Variants in LRRC25 observed in about 807,000 individuals in gnomAD.
LRRC25 encodes the protein leucine rich repeat containing 25.
A neutral mutation model predicts 18.8 loss-of-function variants in LRRC25; 5 were observed. The ratio of observed to expected loss-of-function variants is 0.27; its 90% CI spans 0.14 to 0.56. The LOEUF (loss-of-function observed/expected upper bound fraction) is 0.56, where lower values mean the gene tolerates loss of function less well. Ranked by LOEUF, LRRC25 falls within the 20% of genes least tolerant of loss-of-function variation. The pLI, the probability that LRRC25 is intolerant of heterozygous loss-of-function variation, is 0.93. For missense variants in LRRC25, 341 were observed against 389.8 expected (o/e 0.87, Z 1.05); for synonymous variants, 161 against 176.8 (o/e 0.91, Z 0.71).
In LRRC25 at chr19:18,394,638, C is replaced by CA. The variant is rs546298185; in HGVS notation, c.779+1546dup. Among the ~76,000 whole-genome samples, 407 of 152,240 alleles carry CA rather than the reference C, an allele frequency of 2.7e-3. 3 individuals carry two copies. The highest frequency in any genetic ancestry group is 9.6e-3 in the African/African-American group (397 of 41,560). ...GTATTTTTTAGTAGAAACAGGGTTC[C>CA]ACCATGTTGGTCAGGCTGGTCTTGA... On this transcript the variant is annotated intron_variant, in intron 1 of 1. Transcript: ENST00000339007.
intron 1 of LRRC25, among the ~76,000 whole-genome samples, chr19:18,393,546 G>T (rs540615464): frequency 6.6e-6 from 1 of 152,198 alleles, no homozygotes; most frequent in African/African-American, 2.4e-5. Flanking sequence ...ACTTGAACCC[G>T]GGAGGTGAAG....
Position 18,396,301 on chromosome 19 carries a change from G to C in LRRC25, c.663C>G (p.Tyr221Ter). Reference protein sequence around the residue: ...PKPGLGLQPRYGSRSAPKPQV... With the variant: ...PKPGLGLQPR The stretch of plus-strand genomic sequence containing the variant: ...GGGGCTTGGGGGCGCTCCGGCTGCC[G>C]TACCGTGGCTGCAAGCCTAAACCGG... The change falls in exon 1 of 2, where the codon TAC becomes TAG. Residue 221 changes from tyrosine to a stop codon, truncating the protein, a stop_gained. Transcript: ENST00000339007. LOFTEE classifies it high-confidence loss of function. The C allele has an allele frequency of 6.2e-7, 1 of 1,613,758 alleles. No individual in the cohort carries two copies. Among genetic ancestry groups the C allele is most frequent in the Non-Finnish European group, 8.5e-7 (1 of 1,179,938 alleles).
chr19:18,393,773 G>A (rs971448446), intron 1 of LRRC25, among the ~76,000 whole-genome samples: 2 of 152,110 alleles, frequency 1.3e-5, no homozygotes, highest in African/African-American at 4.8e-5. Flanking sequence ...TGTGACCTTG[G>A]ACAAGTCATT....
chr19:18,392,886 A>G (rs1971919740), intron 1 of LRRC25, among the ~76,000 whole-genome samples: 1 of 152,102 alleles, frequency 6.6e-6, no homozygotes, highest in East Asian at 1.9e-4. Context: ...TCTCCTCGGG[A>G]GGCTGAGGTG....
Position 18,393,255 on chromosome 19 carries a change from T to C in LRRC25, c.780-1130A>G, listed in dbSNP as rs116570859. Reference sequence around the variant, plus strand: ...GCAGGTAGCTACTTAGGAATATTTGTTATGGTCAGCAAGACCTCCAGAGAA... The same window carrying C: ...GCAGGTAGCTACTTAGGAATATTTGCTATGGTCAGCAAGACCTCCAGAGAA... On this transcript the variant is annotated intron_variant, in intron 1 of 1. Transcript: ENST00000339007. 3.7e-3 allele frequency among the ~76,000 whole-genome samples: 559 copies of C among 152,348 alleles called. 6 individuals carry two copies. Among genetic ancestry groups the C allele is most frequent in the African/African-American group, 0.013 (534 of 41,576 alleles).
At chr19:18,394,644 G>A (rs1176760190) in intron 1 of LRRC25, among the ~76,000 whole-genome samples, 1 of 152,066 alleles carries the variant, frequency 6.6e-6, no homozygotes, top group East Asian at 1.9e-4. Context: ...GTTCCACCAT[G>A]TTGGTCAGGC....
Position 18,396,658 on chromosome 19 carries a change from C to A in LRRC25, c.306G>T (p.Gly102=). The A allele has an allele frequency of 6.2e-7, 1 of 1,614,058 alleles. No homozygotes were observed. The highest frequency in any genetic ancestry group is 8.5e-7 in the Non-Finnish European group (1 of 1,180,006). The change falls in exon 1 of 2, where the codon GGG becomes GGT. Residue 102 remains glycine, a synonymous_variant. Transcript: ENST00000339007. ...CAAGGTCACAGCGGGCGGCCAGCGC[C>A]CCATCCACACGAGACAAGGGGTTGC... ...VLRNPLSRVD[G]ALAARCDLDL...
Position 18,397,317 on chromosome 19 carries a change from A to G in LRRC25, c.-354T>C. The G allele has an allele frequency of 3.5e-6, 1 of 282,682 alleles. No individual in the cohort carries two copies. The highest frequency in any genetic ancestry group is 2.1e-5 in the African/African-American group (1 of 46,988). The allele number at this position is 282,682 out of a possible 1,614,324, so 17.5% of individuals were successfully genotyped here. A position where few individuals can be genotyped will look rare whatever the true frequency, so the allele number is the denominator to read the frequency against. On this transcript the variant is annotated 5_prime_UTR_variant, in exon 1 of 2. Coordinates refer to ENST00000339007, the MANE Select transcript of LRRC25 (RefSeq NM_145256.3). ...TTGGAAACGGCCCCGCCCCCTGATCACGCTCCCGGTATCTCCCAGAACGGC... is the reference window on the plus strand; with the variant it reads ...TTGGAAACGGCCCCGCCCCCTGATCGCGCTCCCGGTATCTCCCAGAACGGC...
At position 18,396,610 on chromosome 19, in the gene LRRC25, A is replaced by C; in HGVS notation, c.354T>G (p.Cys118Trp). The C allele has an allele frequency of 1.2e-6, 2 of 1,614,000 alleles. No homozygotes were observed. The highest frequency in any genetic ancestry group is 2.2e-5 in the South Asian group (2 of 91,088). Residue 118 changes from cysteine to tryptophan, a missense_variant, in exon 1 of 2, where the codon TGT becomes TGG. Transcript: ENST00000339007. The part of the protein sequence containing the change: ...CDLDLQADCN[C>W]ALESWHDIRR... The stretch of plus-strand genomic sequence containing the variant: ...GGATGTCGTGCCAGGACTCCAGGGC[A>C]CAGTTGCAGTCGGCCTGCAGGTCAA...
chr19:18,391,771 G>A lies in LRRC25; in HGVS notation c.*216C>T. On this transcript the variant is annotated 3_prime_UTR_variant, in exon 2 of 2. Transcript: ENST00000339007. ...ACAGTGACCGTCCTGTCCCCTTGTT[G>A]GGGGTCTCTCCTCTTCCCCCTCTAG... 1 of 519,570 alleles carries A rather than the reference G, an allele frequency of 1.9e-6. No homozygotes were observed. The highest frequency in any genetic ancestry group is 3.5e-6 in the Non-Finnish European group (1 of 287,326). The allele number at this position is 519,570 out of a possible 1,614,324, so 32.2% of individuals were successfully genotyped here.
In LRRC25 at chr19:18,391,797, G is replaced by T. The variant is rs755977506; in HGVS notation, c.*190C>A. On this transcript the variant is annotated 3_prime_UTR_variant, in exon 2 of 2. Coordinates refer to ENST00000339007, the MANE Select transcript of LRRC25 (RefSeq NM_145256.3). ...GGGGTCTCTCCTCTTCCCCCTCTAG[G>T]AGCTGAGGGAGCTGAGGAGCGGCAT... 3.7e-5 allele frequency: 22 copies of T among 596,964 alleles called. No individual in the cohort carries two copies. The highest frequency in any genetic ancestry group is 5.5e-5 in the Non-Finnish European group (19 of 344,924). 37.0% of individuals were successfully genotyped at this position (596,964 alleles called of 1,614,324 possible).
chr19:18,396,072 T>C, intron 1 of LRRC25, 113 bp downstream of exon 1: 1 of 1,303,628 alleles, frequency 7.7e-7, no homozygotes, highest in Non-Finnish European at 1.1e-6. Context: ...GTAAAGCTAC[T>C]CACCTAAGAT....
intron 1 of LRRC25, among the ~76,000 whole-genome samples, chr19:18,392,595 C>CA (rs1313218615): frequency 1.3e-5 from 2 of 152,168 alleles, no homozygotes; most frequent in African/African-American, 2.4e-5. Context: ...TAGCCAACCC[C>CA]ACCTCTCTCT....
chr19:18,391,774 G>C lies in LRRC25; in HGVS notation c.*213C>G. ...GTGACCGTCCTGTCCCCTTGTTGGGGGTCTCTCCTCTTCCCCCTCTAGGAG... is the reference window on the plus strand; with the variant it reads ...GTGACCGTCCTGTCCCCTTGTTGGGCGTCTCTCCTCTTCCCCCTCTAGGAG... On this transcript the variant is annotated 3_prime_UTR_variant, in exon 2 of 2. Transcript: ENST00000339007. 1 of 528,122 alleles carries C rather than the reference G, an allele frequency of 1.9e-6. No individual in the cohort carries two copies. The highest frequency in any genetic ancestry group is 3.4e-6 in the Non-Finnish European group (1 of 293,180). The allele number at this position is 528,122 out of a possible 1,614,324, so 32.7% of individuals were successfully genotyped here.
rs983948718 is a variant in LRRC25, at chr19:18,397,103, C to T, written c.-140G>A. ...TGAAATGGTAAAACGCAGCCCCAGT[C>T]TGGTCGCCTCCTTTGGCTGGTGGGC... On this transcript the variant is annotated 5_prime_UTR_variant, in exon 1 of 2. Coordinates refer to ENST00000339007, the MANE Select transcript of LRRC25 (RefSeq NM_145256.3). 3.3e-6 allele frequency: 3 copies of T among 906,712 alleles called. No individual in the cohort carries two copies. Among genetic ancestry groups the T allele is most frequent in the Non-Finnish European group, 4.9e-6 (3 of 616,044 alleles). The allele number at this position is 906,712 out of a possible 1,614,324, so 56.2% of individuals were successfully genotyped here. A position where few individuals can be genotyped will look rare whatever the true frequency, so the allele number is the denominator to read the frequency against.
At position 18,397,062 on chromosome 19, in the gene LRRC25, C is replaced by G. The variant is rs1199344181; in HGVS notation, c.-99G>C. ...CAGTGTTTATTATTATAGCTCAGAC[C>G]AGCTCAAGCCGCTTCTGAAATGGTA... On this transcript the variant is annotated 5_prime_UTR_variant, in exon 1 of 2. Coordinates refer to ENST00000339007, the MANE Select transcript of LRRC25 (RefSeq NM_145256.3). 8.0e-7 allele frequency: 1 copy of G among 1,257,792 alleles called. No individual in the cohort carries two copies. The highest frequency in any genetic ancestry group is 2.5e-5 in the East Asian group (1 of 39,656). 77.9% of individuals were successfully genotyped at this position (1,257,792 alleles called of 1,614,324 possible). A position where few individuals can be genotyped will look rare whatever the true frequency, so the allele number is the denominator to read the frequency against.
In LRRC25 at chr19:18,396,942, T is replaced by A; in HGVS notation, c.22A>T (p.Thr8Ser). 1.2e-6 allele frequency: 2 copies of A among 1,609,124 alleles called. No individual in the cohort carries two copies. Among genetic ancestry groups the A allele is most frequent in the Non-Finnish European group, 1.7e-6 (2 of 1,177,572 alleles). Residue 8 changes from threonine to serine, a missense_variant, in exon 1 of 2, where the codon ACG becomes TCG. Coordinates refer to ENST00000339007, the MANE Select transcript of LRRC25 (RefSeq NM_145256.3). The part of the protein sequence containing the change: MGGTLAW[T>S]LLLPLLLRES... ...CGCAGCAGCAGCGGCAACAGCAGCG[T>A]CCATGCCAGGGTGCCCCCCATTCAA...
chr19:18,397,361 G>A lies in LRRC25; in HGVS notation c.-398C>T. The A allele has an allele frequency of 4.1e-6, 1 of 243,800 alleles. No homozygotes were observed. The highest frequency in any genetic ancestry group is 8.1e-6 in the Non-Finnish European group (1 of 122,884). The allele number at this position is 243,800 out of a possible 1,614,324, so 15.1% of individuals were successfully genotyped here. A position where few individuals can be genotyped will look rare whatever the true frequency, so the allele number is the denominator to read the frequency against. ...GAACGGCGGGTCGCTGGGAAGTCCT[G>A]GGATAGGGTGGAGTGGGGGCTGCTG... is the stretch of plus-strand genomic sequence containing the variant. On this transcript the variant is annotated 5_prime_UTR_variant, in exon 1 of 2. Transcript: ENST00000339007.
chr19:18,392,715 C>T (rs1407351755), intron 1 of LRRC25, among the ~76,000 whole-genome samples: 1 of 151,958 alleles, frequency 6.6e-6, no homozygotes, highest in East Asian at 1.9e-4. Context: ...AGCGGCCAGG[C>T]GCGGTGACTC....
Sources: allele counts gnomAD v4.1 joint callset (sites outside exome capture counted in the v4.1 genomes callset), GRCh38; gene constraint gnomAD v4.1.1; transcripts MANE v1.5; gene names NCBI Gene and HGNC (gene_info 2026-07-23, HGNC 2026-07-21).